The following BCHE variants were observed in gnomAD, a reference collection of about 807,000 sequenced individuals.
The protein encoded by BCHE is butyrylcholinesterase.
A neutral mutation model predicts 51.3 loss-of-function variants in BCHE; 48 were observed. That is an observed-to-expected ratio of 0.94 (90% CI 0.74 to 1.19). BCHE has a LOEUF of 1.19. BCHE is among the 50% of genes most tolerant of loss of function. The pLI is 0.00. For missense variants in BCHE, 847 were observed against 708.2 expected (o/e 1.20, Z -2.23); for synonymous variants, 251 against 238.0 (o/e 1.05, Z -0.50).
At chr3:165,787,645 T>A (rs1312974362) in intron 2 of BCHE, among the ~76,000 whole-genome samples, 1 of 151,922 alleles carries the variant, frequency 6.6e-6, no homozygotes. Flanking sequence ...TAATGATTAA[T>A]CTACTTCTTA....
chr3:165,800,126 T>A (rs915908355), intron 2 of BCHE, among the ~76,000 whole-genome samples: 52 of 152,282 alleles, frequency 3.4e-4, no homozygotes, highest in African/African-American at 1.3e-3. Context: ...ATTTTTTTTC[T>A]GTTACTTGAA....
intron 3 of BCHE, chr3:165,777,694 C>CCACT: frequency 2.3e-6 from 1 of 427,952 alleles, no homozygotes; most frequent in Non-Finnish European, 4.7e-6. Context: ...CAACATGAGT[C>CCACT]TGAACTGCAC....
At chr3:165,803,885 G>A (rs1713763185) in intron 2 of BCHE, among the ~76,000 whole-genome samples, 1 of 152,154 alleles carries the variant, frequency 6.6e-6, no homozygotes, top group Admixed American at 6.6e-5. Context: ...GATATAACTG[G>A]AAGTCATCAG....
intron 1 of BCHE, among the ~76,000 whole-genome samples, chr3:165,834,536 A>G (rs1179975021): frequency 6.6e-6 from 1 of 151,916 alleles, no homozygotes; most frequent in African/African-American, 2.4e-5. Context: ...TAATGTTTTT[A>G]TATTTAATTG....
rs1465038544 is a variant in BCHE at position 165,786,272 on chromosome 3, A to G, written c.1557T>C (p.Pro519=). ...ATTTTTGTTCAGTGCTTTTGAAGAC[A>G]GGCCAGCTTGTGCTATTGTTCTGAG... ...NETQNNSTSW[P]VFKSTEQKYL... is the part of the protein sequence containing the mutation. Residue 519 remains proline (P), a synonymous_variant, in exon 3 of 4, where the codon CCT becomes CCC. Coordinates refer to ENST00000264381, the MANE Select transcript of BCHE (RefSeq NM_000055.4). 1.2e-6 allele frequency: 2 copies of G among 1,611,936 alleles called. No individual in the cohort carries two copies. Among genetic ancestry groups the G allele is most frequent in the Admixed American group, 3.3e-5 (2 of 59,842 alleles).
In BCHE at chr3:165,830,146, A is replaced by T; in HGVS notation, c.888T>A (p.Asp296Glu). 6.2e-7 allele frequency: 1 copy of T among 1,613,908 alleles called. No homozygotes were observed. The highest frequency in any genetic ancestry group is 1.1e-5 in the South Asian group (1 of 91,074). Residue 296 changes from aspartate (D) to glutamate (E), a missense_variant, in exon 2 of 4, where the codon GAT becomes GAA. Coordinates refer to ENST00000264381, the MANE Select transcript of BCHE (RefSeq NM_000055.4). The stretch of plus-strand genomic sequence containing the variant: ...CTTCATTCAGAAGAATTTCTTGGGG[A>T]TCTTTATTTCTAAGACACTTGATTA... ...TEIIKCLRNKDPQEILLNEAF... is the reference protein window; with the variant it reads ...TEIIKCLRNKEPQEILLNEAF...
chr3:165,813,940 A>G (rs937929652), intron 2 of BCHE, among the ~76,000 whole-genome samples: 13 of 152,048 alleles, frequency 8.5e-5, no homozygotes, highest in African/African-American at 2.9e-4. Context: ...AACTAACAGA[A>G]TATCTGACGC....
intron 2 of BCHE, among the ~76,000 whole-genome samples, chr3:165,790,181 T>C (rs1306293998): frequency 6.6e-6 from 1 of 152,114 alleles, no homozygotes; most frequent in African/African-American, 2.4e-5. Flanking sequence ...CCATGTGATA[T>C]CATACTGACC....
chr3:165,830,627 G>A lies in BCHE; in HGVS notation c.407C>T (p.Thr136Ile). 6.2e-7 allele frequency: 1 copy of A among 1,613,972 alleles called. No homozygotes were observed. Among genetic ancestry groups the A allele is most frequent in the Non-Finnish European group, 8.5e-7 (1 of 1,179,962 alleles). ...ACCACCATAAATCCATATCAATACAGTGGCATTTTTTGGTTTAGGTGCTGG... is the reference window on the plus strand; with the variant it reads ...ACCACCATAAATCCATATCAATACAATGGCATTTTTTGGTTTAGGTGCTGG... ...WIPAPKPKNA[T>I]VLIWIYGGGF... The change falls in exon 2 of 4, where the codon ACT (threonine) becomes ATT (isoleucine). Residue 136 changes from threonine to isoleucine, a missense_variant. By Grantham distance (89) the Thr-to-Ile change is moderately conservative. Coordinates refer to ENST00000264381, the MANE Select transcript of BCHE (RefSeq NM_000055.4).
intron 2 of BCHE, among the ~76,000 whole-genome samples, chr3:165,817,570 G>C (rs74456603): frequency 1.3e-5 from 2 of 151,972 alleles, no homozygotes; most frequent in East Asian, 3.9e-4. Flanking sequence ...AAATACTTTA[G>C]TCTTAGAGGT....
At chr3:165,814,011 G>GT (rs1484768461) in intron 2 of BCHE, among the ~76,000 whole-genome samples, 2 of 151,762 alleles carry the variant, frequency 1.3e-5, no homozygotes, top group East Asian at 1.9e-4. Flanking sequence ...GTAATTTTTC[G>GT]TAAGTGTTAG....
chr3:165,827,047 G>T (rs984610648), intron 2 of BCHE, among the ~76,000 whole-genome samples: 17 of 152,142 alleles, frequency 1.1e-4, no homozygotes, highest in African/African-American at 4.1e-4. Flanking sequence ...TACAGATTTG[G>T]GACATCAAGT....
chr3:165,816,159 G>A (rs1307632877), intron 2 of BCHE, among the ~76,000 whole-genome samples: 1 of 151,520 alleles, frequency 6.6e-6, no homozygotes, highest in Non-Finnish European at 1.5e-5. Flanking sequence ...CTAGGATGTT[G>A]TCTGTTTTTC....
At chr3:165,814,248 T>A (rs1173368660) in intron 2 of BCHE, among the ~76,000 whole-genome samples, 9 of 152,068 alleles carry the variant, frequency 5.9e-5, no homozygotes, top group Non-Finnish European at 1.2e-4. Flanking sequence ...CTCCTCTCAT[T>A]CTCTATTTCA....
chr3:165,775,821 T>C (rs1348090708), intron 3 of BCHE, among the ~76,000 whole-genome samples: 2 of 151,994 alleles, frequency 1.3e-5, no homozygotes, highest in Non-Finnish European at 2.9e-5. Flanking sequence ...AATTATTTCC[T>C]AATGAAATCC....
chr3:165,783,963 A>G (rs1467891878), intron 3 of BCHE, among the ~76,000 whole-genome samples: 1 of 152,026 alleles, frequency 6.6e-6, no homozygotes, highest in Non-Finnish European at 1.5e-5. Context: ...AAGTTTCAAG[A>G]ATCATTTTAT....
chr3:165,784,128 T>TA (rs952268295), intron 3 of BCHE, among the ~76,000 whole-genome samples: 27 of 151,906 alleles, frequency 1.8e-4, no homozygotes, highest in African/African-American at 6.0e-4. Flanking sequence ...AAAGTTGCTT[T>TA]AAAAAAAATT....
intron 1 of BCHE, among the ~76,000 whole-genome samples, chr3:165,835,542 A>T (rs1419614727): frequency 6.6e-6 from 1 of 151,856 alleles, no homozygotes; most frequent in Non-Finnish European, 1.5e-5. Flanking sequence ...GATCTAGAAC[A>T]AGCTCTCTTA....
intron 3 of BCHE, among the ~76,000 whole-genome samples, chr3:165,784,200 T>C (rs573307523): frequency 2.7e-4 from 41 of 152,074 alleles, no homozygotes; most frequent in African/African-American, 9.4e-4. Context: ...GATTAAAATA[T>C]TTGAAGTTTT....
Sources: gnomAD v4.1 joint callset for allele counts (sites outside exome capture counted in the v4.1 genomes callset) on GRCh38, gnomAD v4.1.1 for gene constraint, MANE v1.5 for transcripts, NCBI Gene and HGNC (gene_info 2026-07-23, HGNC 2026-07-21) for gene names.